CA10: variants seen among roughly 807,000 people sequenced by gnomAD.
CA10 encodes carbonic anhydrase 10 (inactive).
CA10 carries 14 observed loss-of-function variants against 44.2 expected under a neutral mutation model. The observed-to-expected ratio is 0.32, with a 90% CI of 0.21 to 0.50. The LOEUF (loss-of-function observed/expected upper bound fraction) is 0.50. Ranked by LOEUF, CA10 falls within the 20% of genes least tolerant of loss-of-function variation. The pLI, the probability that CA10 is intolerant of heterozygous loss-of-function variation, is 0.99. For missense variants in CA10, 350 were observed against 409.7 expected (o/e 0.85, Z 1.26); for synonymous variants, 159 against 141.6 (o/e 1.12, Z -0.87).
chr17:51,946,082 C>T (rs1983261851), intron 2 of CA10, among the ~76,000 whole-genome samples: 2 of 152,220 alleles, frequency 1.3e-5, no homozygotes, highest in Non-Finnish European at 2.9e-5. Flanking sequence ...ATCTCACTTA[C>T]ACGTGGATTC....
At chr17:51,722,902 T>C (rs542078691) in intron 4 of CA10, among the ~76,000 whole-genome samples, 2 of 152,326 alleles carry the variant, frequency 1.3e-5, no homozygotes, top group South Asian at 4.1e-4. Flanking sequence ...GTCTTCTTAC[T>C]TTGGTACTTT....
At chr17:51,839,573 A>G (rs554676444) in intron 3 of CA10, among the ~76,000 whole-genome samples, 20 of 151,960 alleles carry the variant, frequency 1.3e-4, no homozygotes, top group South Asian at 6.2e-4. Context: ...GAAATGAAGT[A>G]AAAAATTCAT....
At chr17:51,929,036 C>T (rs1982543942) in intron 3 of CA10, among the ~76,000 whole-genome samples, 1 of 152,054 alleles carries the variant, frequency 6.6e-6, no homozygotes, top group Non-Finnish European at 1.5e-5. Context: ...ATTCCAAACT[C>T]CAATGCATTT....
intron 3 of CA10, among the ~76,000 whole-genome samples, chr17:51,820,405 A>ACCCC (rs748623140): frequency 9.2e-4 from 36 of 39,206 alleles, no homozygotes; most frequent in African/African-American, 2.2e-3. Flanking sequence ...GGATTCCCCT[A>ACCCC]CCCCCCCCCC....
chr17:51,956,449 G>A (rs1260143937), intron 2 of CA10, among the ~76,000 whole-genome samples: 2 of 152,056 alleles, frequency 1.3e-5, no homozygotes, highest in Admixed American at 6.6e-5. Context: ...TGTGATTTTT[G>A]CAGATGTAGT....
intron 2 of CA10, among the ~76,000 whole-genome samples, chr17:52,053,035 A>T (rs1359784043): frequency 6.6e-6 from 1 of 152,036 alleles, no homozygotes; most frequent in African/African-American, 2.4e-5. Flanking sequence ...AGGTAACTTC[A>T]GAACCACACA....
At chr17:52,081,745 AGCCGAGATCCC>A (rs1163247093) in intron 1 of CA10, among the ~76,000 whole-genome samples, 3 of 147,114 alleles carry the variant, frequency 2.0e-5, no homozygotes, top group Non-Finnish European at 4.5e-5. Flanking sequence ...GCTTGCAGTG[AGCCGAGATCCC>A]GCCACTGCAC....
chr17:52,076,977 T>TA (rs1254142275), intron 1 of CA10, among the ~76,000 whole-genome samples: 4 of 152,120 alleles, frequency 2.6e-5, no homozygotes, highest in African/African-American at 9.7e-5. Flanking sequence ...GGTGTCTAAT[T>TA]AAAAAAATTG....
chr17:51,696,790 GTTTA>G (rs960499609), intron 4 of CA10, among the ~76,000 whole-genome samples: 1 of 152,078 alleles, frequency 6.6e-6, no homozygotes, highest in African/African-American at 2.4e-5. Context: ...CTGTCTCTGT[GTTTA>G]TTTATTTCAA....
At chr17:51,786,880 A>T (rs1481200462) in intron 3 of CA10, among the ~76,000 whole-genome samples, 1 of 151,966 alleles carries the variant, frequency 6.6e-6, no homozygotes, top group Admixed American at 6.6e-5. Flanking sequence ...GATTTTTATC[A>T]TGAAGGAATG....
intron 4 of CA10, among the ~76,000 whole-genome samples, chr17:51,679,760 C>A (rs757875513): frequency 4.7e-4 from 71 of 152,014 alleles, no homozygotes; most frequent in Admixed American, 9.2e-4. Context: ...AGTGTGATAA[C>A]CACAATAAAA....
chr17:52,064,333 G>A (rs1987474655), intron 2 of CA10, among the ~76,000 whole-genome samples: 1 of 152,170 alleles, frequency 6.6e-6, no homozygotes, highest in Non-Finnish European at 1.5e-5. Flanking sequence ...AGGAAACTGT[G>A]AAATAACAAA....
chr17:51,963,808 A>C (rs2144055681), intron 2 of CA10, among the ~76,000 whole-genome samples: 1 of 152,328 alleles, frequency 6.6e-6, no homozygotes, highest in East Asian at 1.9e-4. Context: ...GCTACCATAA[A>C]AATACACCTA....
chr17:51,872,991 T>C (rs1316900027), intron 3 of CA10, among the ~76,000 whole-genome samples: 1 of 152,176 alleles, frequency 6.6e-6, no homozygotes, highest in Non-Finnish European at 1.5e-5. Flanking sequence ...ATATCAACAA[T>C]GGTGCTGATC....
chr17:52,079,218 G>A (rs1987899435), intron 1 of CA10, among the ~76,000 whole-genome samples: 2 of 152,116 alleles, frequency 1.3e-5, no homozygotes, highest in South Asian at 2.1e-4. Context: ...CCGGGGAGGC[G>A]GAGCTTGCAG....
chr17:52,038,512 C>T (rs1449494107), intron 2 of CA10, among the ~76,000 whole-genome samples: 2 of 152,004 alleles, frequency 1.3e-5, no homozygotes, highest in Admixed American at 1.3e-4. Flanking sequence ...GAATTAAACA[C>T]TAAAGCAAGA....
intron 3 of CA10, among the ~76,000 whole-genome samples, chr17:51,766,336 T>C (rs568777909): frequency 2.0e-5 from 3 of 152,282 alleles, no homozygotes; most frequent in African/African-American, 7.2e-5. Flanking sequence ...CTGATGAAGC[T>C]CCAGCATGCT....
chr17:51,931,180 G>T (rs187103543), intron 2 of CA10, 48 bp from the exon 3 acceptor site: 5 of 1,583,230 alleles, frequency 3.2e-6, no homozygotes, highest in Non-Finnish European at 4.3e-6. Flanking sequence ...GCAGGTTGGG[G>T]AAACAACATA....
At chr17:51,633,671 G>A (rs375108026) in intron 7 of CA10, 21 bp from the exon 8 acceptor site, 91 of 1,600,230 alleles carry the variant, frequency 5.7e-5, no homozygotes, top group Non-Finnish European at 7.3e-5. Flanking sequence ...AGAAGTGGCC[G>A]TGAGATCCAA....
Sources: gnomAD v4.1 joint callset for allele counts (sites outside exome capture counted in the v4.1 genomes callset) on GRCh38, gnomAD v4.1.1 for gene constraint, MANE v1.5 for transcripts, NCBI Gene and HGNC (gene_info 2026-07-23, HGNC 2026-07-21) for gene names.